Variants in LSAMP observed in about 807,000 individuals in gnomAD.
The protein encoded by LSAMP is limbic system-associated membrane protein.
In LSAMP, 7 loss-of-function variants were observed where a neutral mutation model predicts 38.6. That is an observed-to-expected ratio of 0.18 (90% CI 0.10 to 0.34). LSAMP has a LOEUF of 0.34. LSAMP is among the 10% of genes least tolerant of loss of function. LSAMP has a pLI of 1.00. For missense variants in LSAMP, 313 were observed against 420.0 expected (o/e 0.75, Z 2.23); for synonymous variants, 154 against 166.8 (o/e 0.92, Z 0.59).
chr3:116,267,274 T>C (rs1461123), intron 1 of LSAMP, among the ~76,000 whole-genome samples: 150,290 of 152,256 alleles, frequency 0.99, 74,217 homozygotes, highest in Middle Eastern at 1. Context: ...CAGATCCATC[T>C]CTTTCTGTGA....
At chr3:116,131,816 A>C (rs1709140815) in intron 1 of LSAMP, among the ~76,000 whole-genome samples, 1 of 151,376 alleles carries the variant, frequency 6.6e-6, no homozygotes, top group Non-Finnish European at 1.5e-5. Context: ...TAGCCTCCTA[A>C]ATTTCTTTTC....
intron 1 of LSAMP, among the ~76,000 whole-genome samples, chr3:116,187,659 A>G (rs895297162): frequency 1.1e-4 from 17 of 152,246 alleles, no homozygotes; most frequent in South Asian, 2.1e-4. Context: ...GAGTTATGAA[A>G]CTTCCCTTTG....
At chr3:116,324,089 G>A (rs1458942463) in intron 1 of LSAMP, among the ~76,000 whole-genome samples, 1 of 152,140 alleles carries the variant, frequency 6.6e-6, no homozygotes, top group Non-Finnish European at 1.5e-5. Context: ...ATTTGGGTAA[G>A]TGCTTTGGTA....
At chr3:115,810,826 C>T (rs1933803061) in intron 6 of LSAMP, among the ~76,000 whole-genome samples, 1 of 152,088 alleles carries the variant, frequency 6.6e-6, no homozygotes, top group South Asian at 2.1e-4. Context: ...GGTCTTCTGG[C>T]CAATTCATCA....
At chr3:115,896,066 G>A (rs1004642552) in intron 3 of LSAMP, among the ~76,000 whole-genome samples, 9 of 151,960 alleles carry the variant, frequency 5.9e-5, no homozygotes, top group Non-Finnish European at 1.0e-4. Flanking sequence ...TGAGCTTTAA[G>A]TTTTTGCATC....
chr3:116,182,302 C>T (rs1020429094), intron 1 of LSAMP, among the ~76,000 whole-genome samples: 1 of 151,356 alleles, frequency 6.6e-6, no homozygotes, highest in African/African-American at 2.4e-5. Flanking sequence ...AAATAGATAC[C>T]ATATTTTAGA....
Position 116,444,810 on chromosome 3 carries a change from A to AC in LSAMP, c.155+66_155+67insG, listed in dbSNP as rs1559870728. On this transcript the variant is annotated intron_variant, in intron 1 of 6. Coordinates refer to ENST00000490035, the MANE Select transcript of LSAMP (RefSeq NM_002338.5). ...CAGACACACACACACACACACACAC[A>AC]AACACACACACACACACACACACAC... 1,206 of 986,858 alleles carry AC rather than the reference A, an allele frequency of 1.2e-3. 6 individuals are homozygous for AC. In the African/African-American group the frequency reaches 0.028, roughly 23 times the overall value. The allele number at this position is 986,858 out of a possible 1,614,324, so 61.1% of individuals were successfully genotyped here. A position where few individuals can be genotyped will look rare whatever the true frequency, so the allele number is the denominator to read the frequency against.
At chr3:115,825,368 C>T (rs13066426) in intron 6 of LSAMP, among the ~76,000 whole-genome samples, 24,450 of 152,178 alleles carry the variant, frequency 0.16, 2,277 homozygotes, top group Middle Eastern at 0.23. Flanking sequence ...ATCTATAACT[C>T]CTGCTATGTC....
At chr3:115,854,282 A>ATTT (rs35263381) in intron 3 of LSAMP, among the ~76,000 whole-genome samples, 1,331 of 106,922 alleles carry the variant, frequency 0.012, 28 homozygotes, top group East Asian at 0.043. Flanking sequence ...TATTATTATT[A>ATTT]TTTTTTTTTT....
rs567573390 is a variant in LSAMP at position 115,890,350 on chromosome 3, T to C, written c.515-37733A>G. On this transcript the variant is annotated intron_variant, in intron 3 of 6. Coordinates refer to ENST00000490035, the MANE Select transcript of LSAMP (RefSeq NM_002338.5). ...CATGTAACTATATGTCATATAATAG[T>C]CATGTAACTCTACATGATAATCCAA... Among the ~76,000 whole-genome samples, 4 of 152,032 alleles carry C rather than the reference T, an allele frequency of 2.6e-5. No individual in the cohort carries two copies. In the South Asian group the frequency reaches 6.2e-4, roughly 24 times the overall value.
intron 3 of LSAMP, among the ~76,000 whole-genome samples, chr3:115,964,370 A>G (rs1423546561): frequency 6.6e-6 from 1 of 152,196 alleles, no homozygotes; most frequent in African/African-American, 2.4e-5. Flanking sequence ...AGCTGTCACT[A>G]TATAAATGCA....
intron 3 of LSAMP, among the ~76,000 whole-genome samples, chr3:115,940,530 C>T (rs1244482836): frequency 6.6e-6 from 1 of 152,182 alleles, no homozygotes; most frequent in African/African-American, 2.4e-5. Context: ...CTGGCTTCAC[C>T]TCTCAGTTTC....
At chr3:116,088,093 G>C (rs1242170606) in intron 1 of LSAMP, among the ~76,000 whole-genome samples, 1 of 151,916 alleles carries the variant, frequency 6.6e-6, no homozygotes, top group African/African-American at 2.4e-5. Flanking sequence ...GGGTCTTGCT[G>C]TGTTGTCCAG....
chr3:116,077,217 A>G (rs1576349018), intron 2 of LSAMP, among the ~76,000 whole-genome samples: 2 of 151,960 alleles, frequency 1.3e-5, no homozygotes, highest in Admixed American at 6.5e-5. Flanking sequence ...ATCTTGTTTC[A>G]TTGCATTGAC....
At chr3:116,401,237 C>T (rs961709067) in intron 1 of LSAMP, among the ~76,000 whole-genome samples, 1 of 152,178 alleles carries the variant, frequency 6.6e-6, no homozygotes, top group African/African-American at 2.4e-5. Context: ...AGGCTGTATT[C>T]AACATCTGGA....
chr3:116,098,235 A>T (rs1292993014), intron 1 of LSAMP, among the ~76,000 whole-genome samples: 1 of 151,596 alleles, frequency 6.6e-6, no homozygotes, highest in Non-Finnish European at 1.5e-5. Context: ...GCAGTGGCTC[A>T]CGTCTGTAAT....
intron 4 of LSAMP, among the ~76,000 whole-genome samples, chr3:115,844,349 T>C (rs2107508860): frequency 6.6e-6 from 1 of 152,350 alleles, no homozygotes; most frequent in African/African-American, 2.4e-5. Context: ...AGGTCTGATT[T>C]TGACTCTACT....
At chr3:116,317,243 TGTA>T (rs1455120977) in intron 1 of LSAMP, among the ~76,000 whole-genome samples, 3 of 152,160 alleles carry the variant, frequency 2.0e-5, no homozygotes, top group Non-Finnish European at 4.4e-5. Context: ...CTTTAAGAGC[TGTA>T]ACACTCACTG....
At chr3:116,384,039 A>G (rs2048594228) in intron 1 of LSAMP, among the ~76,000 whole-genome samples, 1 of 152,130 alleles carries the variant, frequency 6.6e-6, no homozygotes, top group African/African-American at 2.4e-5. Context: ...ACTTTGTTAA[A>G]CAAGTACATG....
Sources: gnomAD v4.1 joint callset for allele counts (sites outside exome capture counted in the v4.1 genomes callset) on GRCh38, gnomAD v4.1.1 for gene constraint, MANE v1.5 for transcripts, NCBI Gene and HGNC (gene_info 2026-07-23, HGNC 2026-07-21) for gene names.